Variants in DLG2 observed in about 807,000 individuals in gnomAD.
The protein encoded by DLG2 is discs large MAGUK scaffold protein 2.
Under a neutral mutation model 132.5 loss-of-function variants are expected in DLG2, and 45 were observed. The ratio of observed to expected loss-of-function variants is 0.34; its 90% CI spans 0.27 to 0.44. DLG2 has a LOEUF of 0.44. Ranked by LOEUF, DLG2 falls within the 20% of genes least tolerant of loss-of-function variation. DLG2 has a pLI of 1.00. For synonymous variants in DLG2, 424 were observed against 419.6 expected, an observed-to-expected ratio of 1.01 and a Z score of -0.13; for missense variants, 1,045 against 1,196.9, an observed-to-expected ratio of 0.87 and a Z score of 1.87.
At chr11:83,807,975 C>T (rs762094118) in intron 17 of DLG2, among the ~76,000 whole-genome samples, 1 of 152,166 alleles carries the variant, frequency 6.6e-6, no homozygotes, top group Non-Finnish European at 1.5e-5. Context: ...ACACTCCTAT[C>T]TTTGACAGTC....
intron 8 of DLG2, among the ~76,000 whole-genome samples, chr11:84,180,573 C>G (rs975860162): frequency 2.0e-5 from 3 of 151,964 alleles, no homozygotes; most frequent in African/African-American, 4.8e-5. Context: ...AACAAACACA[C>G]AAGCAAACAA....
intron 2 of DLG2, among the ~76,000 whole-genome samples, chr11:85,620,569 C>A (rs71482592): frequency 0.027 from 4,075 of 152,356 alleles, 90 homozygotes; most frequent in Non-Finnish European, 0.044. Flanking sequence ...AAAAGGGCCA[C>A]TTCAGTGAAC....
chr11:84,522,642 T>A (rs2099307743), intron 7 of DLG2, among the ~76,000 whole-genome samples: 1 of 152,240 alleles, frequency 6.6e-6, no homozygotes. Flanking sequence ...CTCTCTGAGT[T>A]GGAGAAAATC....
chr11:84,186,070 C>T (rs879771183), intron 8 of DLG2, among the ~76,000 whole-genome samples: 11 of 152,240 alleles, frequency 7.2e-5, no homozygotes, highest in Admixed American at 6.5e-4. Context: ...GACAAGTTGA[C>T]TTCCTCTTGC....
chr11:84,195,539 A>G (rs1218337617), intron 8 of DLG2, among the ~76,000 whole-genome samples: 1 of 152,200 alleles, frequency 6.6e-6, no homozygotes, highest in Non-Finnish European at 1.5e-5. Flanking sequence ...AAAGGGAGGT[A>G]CTGTGCACAA....
At chr11:84,794,656 C>T (rs566543090) in intron 6 of DLG2, among the ~76,000 whole-genome samples, 60 of 152,310 alleles carry the variant, frequency 3.9e-4, no homozygotes, top group Non-Finnish European at 7.2e-4. Flanking sequence ...TTGCAGGCTC[C>T]GAAGTGCCTG....
At chr11:84,378,852 G>A (rs2098739461) in intron 7 of DLG2, among the ~76,000 whole-genome samples, 1 of 151,674 alleles carries the variant, frequency 6.6e-6, no homozygotes, top group Non-Finnish European at 1.5e-5. Flanking sequence ...GGCTGAGGAA[G>A]AAAAAATCGT....
chr11:84,647,634 C>A (rs1004937135), intron 6 of DLG2, among the ~76,000 whole-genome samples: 2 of 152,194 alleles, frequency 1.3e-5, no homozygotes, highest in African/African-American at 4.8e-5. Flanking sequence ...GCCATTAGAT[C>A]ATAAATTCCT....
intron 3 of DLG2, among the ~76,000 whole-genome samples, chr11:85,308,155 A>AAAAATAAAATAAAATAAAATAAAAT (rs747745832): frequency 0.021 from 987 of 47,866 alleles, 17 homozygotes; most frequent in Non-Finnish European, 0.036. Flanking sequence ...CTCTGTCTCA[A>AAAAATAAAATAAAATAAAATAAAAT]AAAATAAAAT....
intron 6 of DLG2, among the ~76,000 whole-genome samples, chr11:84,879,208 A>G (rs185779474): frequency 2.6e-5 from 4 of 152,240 alleles, no homozygotes; most frequent in Non-Finnish European, 5.9e-5. Context: ...ATCACCAAAG[A>G]TAAGTTGCTT....
At chr11:84,495,343 C>T (rs761723750) in intron 7 of DLG2, among the ~76,000 whole-genome samples, 11 of 152,240 alleles carry the variant, frequency 7.2e-5, no homozygotes, top group East Asian at 3.9e-4. Flanking sequence ...TAGGGAAGCA[C>T]GATCTGACTG....
intron 18 of DLG2, among the ~76,000 whole-genome samples, chr11:83,759,869 T>C (rs1053989934): frequency 1.3e-5 from 2 of 152,178 alleles, no homozygotes; most frequent in African/African-American, 4.8e-5. Context: ...TTGATAATAA[T>C]TACCAGCTCA....
At chr11:83,973,416 A>C (rs903522628) in intron 12 of DLG2, among the ~76,000 whole-genome samples, 1 of 152,140 alleles carries the variant, frequency 6.6e-6, no homozygotes, top group African/African-American at 2.4e-5. Flanking sequence ...CATTTGAGAT[A>C]AATTAGAAGA....
intron 18 of DLG2, among the ~76,000 whole-genome samples, chr11:83,729,579 C>T (rs562951383): frequency 2.0e-5 from 3 of 152,280 alleles, no homozygotes; most frequent in East Asian, 1.9e-4. Context: ...CATCACCTTG[C>T]ATTAAGTTCT....
intron 3 of DLG2, among the ~76,000 whole-genome samples, chr11:85,291,913 G>C (rs2078917801): frequency 6.6e-6 from 1 of 152,112 alleles, no homozygotes; most frequent in Non-Finnish European, 1.5e-5. Flanking sequence ...CTGCAACAAA[G>C]AGACGGTAAG....
chr11:83,541,415 G>A (rs2096064121), intron 20 of DLG2, among the ~76,000 whole-genome samples: 1 of 152,096 alleles, frequency 6.6e-6, no homozygotes, highest in African/African-American at 2.4e-5. Context: ...TGCACACACT[G>A]GTAAAAGTTT....
intron 8 of DLG2, among the ~76,000 whole-genome samples, chr11:84,183,627 C>T (rs144598011): frequency 0.013 from 1,987 of 152,150 alleles, 42 homozygotes; most frequent in African/African-American, 0.046. Context: ...GCACAATGTG[C>T]AGGTTAGTTA....
At chr11:83,832,106 C>T (rs1469515165) in intron 17 of DLG2, among the ~76,000 whole-genome samples, 2 of 152,086 alleles carry the variant, frequency 1.3e-5, no homozygotes, top group Non-Finnish European at 2.9e-5. Flanking sequence ...TGAGGCAGTA[C>T]CTTTCAGAGT....
intron 14 of DLG2, among the ~76,000 whole-genome samples, chr11:83,951,144 C>A (rs375488218): frequency 6.6e-6 from 1 of 151,960 alleles, no homozygotes; most frequent in Non-Finnish European, 1.5e-5. Flanking sequence ...TTAAAACAAG[C>A]ATTTCCATAT....
Sources: allele counts gnomAD v4.1 joint callset (sites outside exome capture counted in the v4.1 genomes callset), GRCh38; gene constraint gnomAD v4.1.1; transcripts MANE v1.5; gene names NCBI Gene and HGNC (gene_info 2026-07-23, HGNC 2026-07-21).